The following PTPRM variants were observed in gnomAD, a reference collection of about 807,000 sequenced individuals.
The protein encoded by PTPRM is receptor-type tyrosine-protein phosphatase mu.
PTPRM carries 47 observed loss-of-function variants against 186.7 expected under a neutral mutation model. The observed-to-expected ratio is 0.25, with a 90% CI of 0.20 to 0.32. PTPRM has a LOEUF of 0.32. PTPRM is among the 10% of genes least tolerant of loss of function. PTPRM has a pLI of 1.00. For synonymous variants in PTPRM, 668 were observed against 674.9 expected (o/e 0.99, Z 0.16); for missense variants, 1,494 against 1,865.0 (o/e 0.80, Z 3.66).
chr18:8,352,652 G>GTTTTTTTTTTTTTTTTTTTTTTTTTT (rs142090056), intron 23 of PTPRM, among the ~76,000 whole-genome samples: 8 of 102,246 alleles, frequency 7.8e-5, no homozygotes, highest in Non-Finnish European at 1.5e-4. Context: ...TTTTTGGTTT[G>GTTTTTTTTTTTTTTTTTTTTTTTTTT]GTTTTTTTTG....
chr18:8,068,038 G>A lies in PTPRM; in HGVS notation c.1133-1648G>A, dbSNP rs114393100. On this transcript the variant is annotated intron_variant, in intron 7 of 32. Coordinates refer to ENST00000580170, the MANE Select transcript of PTPRM (RefSeq NM_001105244.2). ...AGTGGGGACAGCATGATTTGTAGTT[G>A]TCAGGTCTAAATTTGAATGCCACAG... Among the ~76,000 whole-genome samples the A allele has an allele frequency of 7.2e-3, 1,099 of 152,218 alleles. 10 individuals are homozygous for A. The highest frequency in any genetic ancestry group is 0.025 in the African/African-American group (1,018 of 41,538).
At chr18:7,800,882 T>C (rs1335378688) in intron 2 of PTPRM, among the ~76,000 whole-genome samples, 2 of 152,126 alleles carry the variant, frequency 1.3e-5, no homozygotes, top group Non-Finnish European at 2.9e-5. Context: ...CAATGATAAG[T>C]ATTAACGTAT....
At chr18:8,309,470 G>A (rs1270611348) in intron 20 of PTPRM, among the ~76,000 whole-genome samples, 1 of 152,010 alleles carries the variant, frequency 6.6e-6, no homozygotes, top group East Asian at 1.9e-4. Context: ...ATAGAAGTGT[G>A]CACACAGGAG....
intron 4 of PTPRM, among the ~76,000 whole-genome samples, chr18:7,918,571 A>G (rs1568012748): frequency 6.6e-6 from 1 of 152,156 alleles, no homozygotes; most frequent in Non-Finnish European, 1.5e-5. Context: ...CTTACTTAAC[A>G]ACAGAATGGG....
At chr18:7,813,570 G>A (rs747899365) in intron 2 of PTPRM, among the ~76,000 whole-genome samples, 9 of 152,052 alleles carry the variant, frequency 5.9e-5, no homozygotes, top group African/African-American at 1.4e-4. Context: ...TTGGAACTTC[G>A]TGGGCCTTCT....
chr18:8,063,968 A>T lies in PTPRM; in HGVS notation c.1133-5718A>T, dbSNP rs1014253170. Among the ~76,000 whole-genome samples the T allele has an allele frequency of 2.0e-5, 3 of 152,154 alleles. No homozygotes were observed. The East Asian group carries it at 5.8e-4, about 29-fold the overall frequency. On this transcript the variant is annotated intron_variant, in intron 7 of 32. Coordinates refer to ENST00000580170, the MANE Select transcript of PTPRM (RefSeq NM_001105244.2). ...AGGGAGTGCTCCTTCTAGGCTGTCA[A>T]TTGTGGCCTATGTTTAGAGTGTTAT...
At chr18:7,957,522 G>A (rs145228335) in intron 7 of PTPRM, among the ~76,000 whole-genome samples, 257 of 152,220 alleles carry the variant, frequency 1.7e-3, no homozygotes, top group African/African-American at 5.8e-3. Context: ...GGCACTGTTC[G>A]TGATGCATGG....
intron 21 of PTPRM, among the ~76,000 whole-genome samples, chr18:8,317,487 G>T (rs1392705070): frequency 6.6e-6 from 1 of 152,170 alleles, no homozygotes; most frequent in Non-Finnish European, 1.5e-5. Context: ...CTGGAAACAA[G>T]AATATAGGAT....
intron 1 of PTPRM, among the ~76,000 whole-genome samples, chr18:7,721,992 G>A (rs1350223137): frequency 1.3e-5 from 2 of 152,184 alleles, no homozygotes; most frequent in Non-Finnish European, 2.9e-5. Flanking sequence ...GCAATATTGA[G>A]AGATTACTGT....
intron 14 of PTPRM, among the ~76,000 whole-genome samples, chr18:8,192,338 AAAAG>A: frequency 6.6e-6 from 1 of 152,282 alleles, no homozygotes; most frequent in South Asian, 2.1e-4. Context: ...ACTCCCCAAT[AAAAG>A]AAACCAGGAC....
chr18:8,253,330 C>T lies in PTPRM; in HGVS notation c.2670C>T (p.His890=), dbSNP rs1156759359. The change falls in exon 19 of 33, where the codon CAC becomes CAT. Residue 890 remains histidine (H), a synonymous_variant. Transcript: ENST00000580170. ...TGCCCTATCAGACTGGGCAGCTCCACCCCGCCATCCGGGTGGCAGACCTCC... is the reference window on the plus strand; with the variant it reads ...TGCCCTATCAGACTGGGCAGCTCCATCCCGCCATCCGGGTGGCAGACCTCC... ...ADVPYQTGQL[H]PAIRVADLLQ... 5.0e-6 allele frequency: 8 copies of T among 1,597,932 alleles called. No individual in the cohort carries two copies. The highest frequency in any genetic ancestry group is 1.4e-5 in the African/African-American group (1 of 74,072).
chr18:8,100,243 GTTC>G (rs1412939174), intron 11 of PTPRM, among the ~76,000 whole-genome samples: 1 of 152,058 alleles, frequency 6.6e-6, no homozygotes, highest in Non-Finnish European at 1.5e-5. Context: ...GGTTCAAGCA[GTTC>G]TTCTTCTGCC....
chr18:7,880,786 G>A (rs986969705), intron 2 of PTPRM, among the ~76,000 whole-genome samples: 1 of 152,192 alleles, frequency 6.6e-6, no homozygotes, highest in Non-Finnish European at 1.5e-5. Flanking sequence ...GGAGTTGGAG[G>A]AGGGGTGTAA....
At chr18:8,394,743 T>C in intron 32 of PTPRM, 132 bp downstream of exon 32, 2 of 987,680 alleles carry the variant, frequency 2.0e-6, no homozygotes, top group Admixed American at 7.3e-5. Flanking sequence ...GTAATCACTT[T>C]GCTTGTAGGG....
intron 14 of PTPRM, among the ~76,000 whole-genome samples, chr18:8,198,662 T>C (rs1472698221): frequency 6.6e-6 from 1 of 152,136 alleles, no homozygotes; most frequent in Admixed American, 6.5e-5. Flanking sequence ...TCCAAAGGGC[T>C]ACATCTGTCT....
chr18:8,179,748 A>T (rs1383215537), intron 14 of PTPRM, among the ~76,000 whole-genome samples: 1 of 152,168 alleles, frequency 6.6e-6, no homozygotes, highest in Non-Finnish European at 1.5e-5. Context: ...GATTACAGGC[A>T]TGAGCCACTG....
At chr18:8,175,482 A>G (rs1229752414) in intron 14 of PTPRM, among the ~76,000 whole-genome samples, 1 of 152,204 alleles carries the variant, frequency 6.6e-6, no homozygotes. Flanking sequence ...TTTGTTTTAT[A>G]TCCAGAAGGT....
At chr18:7,919,637 T>C (rs1418061381) in intron 4 of PTPRM, among the ~76,000 whole-genome samples, 3 of 152,156 alleles carry the variant, frequency 2.0e-5, no homozygotes, top group Non-Finnish European at 4.4e-5. Flanking sequence ...CTAAGATATG[T>C]TCTGTTCTGG....
chr18:7,943,214 T>G (rs1345396556), intron 5 of PTPRM, among the ~76,000 whole-genome samples: 1 of 152,132 alleles, frequency 6.6e-6, no homozygotes, highest in Non-Finnish European at 1.5e-5. Flanking sequence ...CCCCCGCTCT[T>G]CTCCAGTGTA....
Sources: allele counts gnomAD v4.1 joint callset (sites outside exome capture counted in the v4.1 genomes callset), GRCh38; gene constraint gnomAD v4.1.1; transcripts MANE v1.5; gene names NCBI Gene and HGNC (gene_info 2026-07-23, HGNC 2026-07-21).